Variants in HGSNAT observed in about 807,000 individuals in gnomAD.
The protein encoded by HGSNAT is transmembrane protein 76.
A neutral mutation model predicts 85.2 loss-of-function variants in HGSNAT; 59 were observed. That is an observed-to-expected ratio of 0.69 (90% CI 0.56 to 0.86). The LOEUF (loss-of-function observed/expected upper bound fraction) is 0.86, where lower values mean the gene tolerates loss of function less well. HGSNAT is among the 40% of genes least tolerant of loss of function. The pLI is 0.00. For synonymous variants in HGSNAT, 321 were observed against 304.5 expected, an observed-to-expected ratio of 1.05 and a Z score of -0.56; for missense variants, 756 against 777.1, an observed-to-expected ratio of 0.97 and a Z score of 0.32.
chr8:43,182,698 G>A (rs925284165), intron 11 of HGSNAT, among the ~76,000 whole-genome samples: 3 of 151,776 alleles, frequency 2.0e-5, no homozygotes, highest in African/African-American at 4.8e-5. Flanking sequence ...TTCCTGCCTC[G>A]GCCTCACAAA....
At chr8:43,174,487 A>T (rs1024610346) in intron 9 of HGSNAT, among the ~76,000 whole-genome samples, 2 of 152,192 alleles carry the variant, frequency 1.3e-5, no homozygotes, top group African/African-American at 4.8e-5. Flanking sequence ...TCTGTCTCTG[A>T]TCATTCATAG....
intron 11 of HGSNAT, among the ~76,000 whole-genome samples, chr8:43,187,489 T>C (rs1056478778): frequency 1.2e-4 from 18 of 152,256 alleles, no homozygotes; most frequent in Non-Finnish European, 1.5e-5. Context: ...GTTTTCCGTT[T>C]ACCTGGTAGA....
intron 9 of HGSNAT, chr8:43,174,282 A>G (rs1215745753): frequency 6.6e-6 from 1 of 151,274 alleles, no homozygotes; most frequent in East Asian, 1.9e-4. Flanking sequence ...TAGATATGGT[A>G]TGCCAGATCC....
chr8:43,161,163 T>A (rs1803254204), intron 4 of HGSNAT, among the ~76,000 whole-genome samples: 1 of 152,154 alleles, frequency 6.6e-6, no homozygotes, highest in Non-Finnish European at 1.5e-5. Context: ...TGGGTAGTTA[T>A]AGATGAAGCA....
intron 14 of HGSNAT, chr8:43,196,487 T>C (rs1420835402): frequency 9.3e-6 from 12 of 1,289,808 alleles, no homozygotes; most frequent in Non-Finnish European, 1.1e-5. Context: ...GTCACCTTTG[T>C]GGAGAATTCT....
intron 11 of HGSNAT, among the ~76,000 whole-genome samples, chr8:43,190,367 GA>G (rs1238684029): frequency 1.3e-5 from 2 of 152,166 alleles, no homozygotes; most frequent in Non-Finnish European, 2.9e-5. Flanking sequence ...GTTCATCACT[GA>G]ATCTCACTTT....
chr8:43,170,158 T>C (rs1198889603), intron 6 of HGSNAT, among the ~76,000 whole-genome samples: 1 of 152,176 alleles, frequency 6.6e-6, no homozygotes, highest in Non-Finnish European at 1.5e-5. Flanking sequence ...ATTTTTAGAT[T>C]TCTACTATAT....
chr8:43,142,722 T>C (rs1281292547), intron 1 of HGSNAT, among the ~76,000 whole-genome samples: 1 of 152,212 alleles, frequency 6.6e-6, no homozygotes, highest in South Asian at 2.1e-4. Context: ...TTTGTAGTTT[T>C]TTTAGAGCTT....
intron 11 of HGSNAT, among the ~76,000 whole-genome samples, chr8:43,189,345 C>T (rs554840811): frequency 6.6e-6 from 1 of 152,264 alleles, no homozygotes; most frequent in East Asian, 1.9e-4. Context: ...GGATGCCCTT[C>T]CCCCCAGCCT....
In HGSNAT at chr8:43,140,487, G is replaced by GGCGGCGGGCATGAGC. The variant is rs1319745967; in HGVS notation, c.-8_7dup. The GGCGGCGGGCATGAGC allele has an allele frequency of 1.0e-6, 1 of 1,004,074 alleles. No homozygotes were observed. The highest frequency in any genetic ancestry group is 1.2e-6 in the Non-Finnish European group (1 of 842,478). The allele number at this position is 1,004,074 out of a possible 1,614,324, so 62.2% of individuals were successfully genotyped here. A position where few individuals can be genotyped will look rare whatever the true frequency, so the allele number is the denominator to read the frequency against. ...GCGGGCAGGCAAGGGCGGCCGAGCG[G>GGCGGCGGGCATGAGC]GCGGCGGGCATGAGCGGGGCGGGCA... On this transcript the variant is annotated 5_prime_UTR_variant, in exon 1 of 18. The change creates a new upstream start codon in the 5' untranslated region. Transcript: ENST00000379644.
At chr8:43,189,206 T>C (rs1021252005) in intron 11 of HGSNAT, among the ~76,000 whole-genome samples, 7 of 152,224 alleles carry the variant, frequency 4.6e-5, no homozygotes, top group African/African-American at 1.7e-4. Context: ...TGCTGCCTTT[T>C]ATTCAGCTAT....
chr8:43,171,894 G>A (rs1226504081), intron 7 of HGSNAT, among the ~76,000 whole-genome samples: 1 of 152,152 alleles, frequency 6.6e-6, no homozygotes, highest in Non-Finnish European at 1.5e-5. Context: ...GGGTCTTATG[G>A]CTAATGACAG....
chr8:43,192,326 A>C lies in HGSNAT; in HGVS notation c.1273A>C (p.Ile425Leu). 6.2e-7 allele frequency: 1 copy of C among 1,609,692 alleles called. No homozygotes were observed. Among genetic ancestry groups the C allele is most frequent in the Non-Finnish European group, 8.5e-7 (1 of 1,178,348 alleles). ...CPTGYLGPGG[I>L]GDFGKYPNCT... ...TAGTGGTTATCTTGGTCCTGGGGGC[A>C]TTGGAGATTTTGGCAAGTATCCAAA... The change falls in exon 13 of 18, where the codon ATT becomes CTT. Residue 425 changes from isoleucine to leucine, a missense_variant. Coordinates refer to ENST00000379644, the MANE Select transcript of HGSNAT (RefSeq NM_152419.3).
intron 10 of HGSNAT, chr8:43,181,543 G>A (rs371685889): frequency 6.5e-6 from 1 of 153,032 alleles, no homozygotes; most frequent in Non-Finnish European, 1.5e-5. Context: ...AAGAGGTGGA[G>A]GTCACTTCTA....
At chr8:43,170,560 C>G in intron 6 of HGSNAT, 25 bp from the exon 7 acceptor site, 1 of 1,509,062 alleles carries the variant, frequency 6.6e-7, no homozygotes, top group Non-Finnish European at 9.1e-7. Context: ...TATGAGTTGT[C>G]ATCTTTCTCC....
intron 10 of HGSNAT, among the ~76,000 whole-genome samples, chr8:43,178,483 A>G (rs1233462646): frequency 6.6e-6 from 1 of 151,860 alleles, no homozygotes; most frequent in Non-Finnish European, 1.5e-5. Context: ...GCCAAGAGCG[A>G]TTGAAGGTTT....
intron 17 of HGSNAT, 85 bp downstream of exon 17, chr8:43,198,037 G>A: frequency 1.1e-6 from 1 of 951,352 alleles, no homozygotes; most frequent in South Asian, 1.5e-5. Flanking sequence ...TGGTGCTGGG[G>A]TCTTGAGCCA....
intron 2 of HGSNAT, among the ~76,000 whole-genome samples, chr8:43,156,727 T>A (rs1803107158): frequency 1.3e-5 from 2 of 152,216 alleles, no homozygotes; most frequent in African/African-American, 4.8e-5. Flanking sequence ...AACTGTTACA[T>A]CTTCCTGCTG....
rs779902826 is a variant in HGSNAT, at chr8:43,178,195, G to A, written c.973G>A (p.Gly325Arg). 3 of 1,569,746 alleles carry A rather than the reference G, an allele frequency of 1.9e-6. No homozygotes were observed. Among genetic ancestry groups the A allele is most frequent in the Non-Finnish European group, 2.6e-6 (3 of 1,161,900 alleles). Residue 325 changes from glycine to arginine, a missense_variant, in exon 10 of 18, where the codon GGA becomes AGA. Gly to Arg is a moderately radical substitution (Grantham distance 125). Coordinates refer to ENST00000379644, the MANE Select transcript of HGSNAT (RefSeq NM_152419.3). ...AWRSFLLICI[G>R]IIIVNPNYCL... ...GAGGAGTTTCCTGTTAATCTGCATA[G>A]GAATTATCATTGTGAATCCCAATTA...
Sources: allele counts gnomAD v4.1 joint callset (sites outside exome capture counted in the v4.1 genomes callset), GRCh38; gene constraint gnomAD v4.1.1; transcripts MANE v1.5; gene names NCBI Gene and HGNC (gene_info 2026-07-23, HGNC 2026-07-21).